The following GLYR1 variants were observed in gnomAD, a reference collection of about 807,000 sequenced individuals.
GLYR1 encodes cytokine-like nuclear factor N-PAC.
In GLYR1, 21 loss-of-function variants were observed where a neutral mutation model predicts 72.7. The ratio of observed to expected loss-of-function variants is 0.29; its 90% CI spans 0.20 to 0.42. The LOEUF is 0.42. Among genes scored for constraint, GLYR1 ranks in the 10% least tolerant of loss-of-function variants. The pLI, the probability that GLYR1 is intolerant of heterozygous loss-of-function variation, is 1.00. For missense variants in GLYR1, 594 were observed against 712.1 expected, an observed-to-expected ratio of 0.83 and a Z score of 1.89; for synonymous variants, 392 against 270.2, an observed-to-expected ratio of 1.45 and a Z score of -4.42.
intron 5 of GLYR1, among the ~76,000 whole-genome samples, chr16:4,829,428 C>T (rs1320863890): frequency 6.6e-6 from 1 of 151,820 alleles, no homozygotes; most frequent in Non-Finnish European, 1.5e-5. Flanking sequence ...ACCCCAGCTT[C>T]CCAAGTAGGT....
At chr16:4,809,242 T>C (rs1011537911) in intron 15 of GLYR1, among the ~76,000 whole-genome samples, 4 of 136,454 alleles carry the variant, frequency 2.9e-5, no homozygotes, top group Admixed American at 8.1e-5. Context: ...CAGGCTGGAG[T>C]GCAGTGGTGC....
At chr16:4,826,559 T>G (rs939552366) in intron 5 of GLYR1, among the ~76,000 whole-genome samples, 1 of 152,236 alleles carries the variant, frequency 6.6e-6, no homozygotes, top group South Asian at 2.1e-4. Flanking sequence ...TTATGCTGCT[T>G]TCTCTCCAGG....
intron 5 of GLYR1, among the ~76,000 whole-genome samples, chr16:4,830,539 A>T (rs1014203988): frequency 9.9e-5 from 15 of 152,138 alleles, no homozygotes; most frequent in Non-Finnish European, 1.6e-4. Flanking sequence ...AGTCAGCTAC[A>T]GTTGCTTCCA....
rs1202541560 is a variant in GLYR1 at position 4,815,105 on chromosome 16, AT to A, written c.907-459del. ...TCTGGAAGTGCCTAAAAACACTACC[AT>A]TTTGGCTTTTTTTTTTTGAGACAAG... On this transcript the variant is annotated intron_variant, in intron 10 of 15. Coordinates refer to ENST00000321919, the MANE Select transcript of GLYR1 (RefSeq NM_032569.4). Among the ~76,000 whole-genome samples, 5 of 148,540 alleles carry A rather than the reference AT, an allele frequency of 3.4e-5. No homozygotes were observed. The East Asian group carries it at 9.8e-4, about 29-fold the overall frequency.
chr16:4,806,628 C>G (rs1414198925), intron 15 of GLYR1, among the ~76,000 whole-genome samples: 3 of 151,534 alleles, frequency 2.0e-5, no homozygotes, highest in Non-Finnish European at 2.9e-5. Flanking sequence ...TGCCTCGACC[C>G]TGCCTCGACC....
intron 10 of GLYR1, among the ~76,000 whole-genome samples, chr16:4,815,167 G>A (rs1418508775): frequency 5.3e-5 from 8 of 151,792 alleles, no homozygotes; most frequent in Non-Finnish European, 1.5e-5. Flanking sequence ...GCACAGTGGT[G>A]CAATCATGGC....
At chr16:4,837,253 G>A (rs1366945398) in intron 3 of GLYR1, among the ~76,000 whole-genome samples, 1 of 152,038 alleles carries the variant, frequency 6.6e-6, no homozygotes, top group Non-Finnish European at 1.5e-5. Context: ...CCAACATGGC[G>A]AAACCCCATC....
At chr16:4,838,486 C>T (rs956390715) in intron 3 of GLYR1, among the ~76,000 whole-genome samples, 4 of 152,206 alleles carry the variant, frequency 2.6e-5, no homozygotes, top group African/African-American at 9.7e-5. Context: ...ACTGTTTGTC[C>T]ACAATCTGTT....
At chr16:4,817,530 G>T in intron 10 of GLYR1, 68 bp downstream of exon 10, 1 of 902,058 alleles carries the variant, frequency 1.1e-6, no homozygotes, top group South Asian at 1.4e-5. Context: ...GACAACAGGG[G>T]GAGATGTCCA....
intron 3 of GLYR1, among the ~76,000 whole-genome samples, chr16:4,837,976 G>T (rs1027991898): frequency 2.4e-4 from 35 of 146,200 alleles, no homozygotes; most frequent in East Asian, 1.2e-3. Flanking sequence ...AATAAATAAA[G>T]ATAAGAATAA....
Position 4,805,084 on chromosome 16 carries a change from GTGTGC to G in GLYR1, c.*147_*151del. On this transcript the variant is annotated 3_prime_UTR_variant, in exon 16 of 16. Coordinates refer to ENST00000321919, the MANE Select transcript of GLYR1 (RefSeq NM_032569.4). ...CCGGCCTCAGGGGAAGGGTGCTGCT[GTGTGC>G]TGTGCTGATGGCAAGTCTCAAAGTC... The G allele has an allele frequency of 2.9e-6, 2 of 681,898 alleles. No homozygotes were observed. Among genetic ancestry groups the G allele is most frequent in the Admixed American group, 2.1e-5 (1 of 46,878 alleles). The allele number at this position is 681,898 out of a possible 1,614,324, so 42.2% of individuals were successfully genotyped here.
At chr16:4,833,016 G>T in intron 3 of GLYR1, 104 bp from the exon 4 acceptor site, 1 of 1,126,838 alleles carries the variant, frequency 8.9e-7, no homozygotes, top group Non-Finnish European at 1.2e-6. Flanking sequence ...TGGTTTAACT[G>T]GACTTTGCAA....
At chr16:4,839,081 G>A (rs1314473769) in intron 3 of GLYR1, among the ~76,000 whole-genome samples, 1 of 152,060 alleles carries the variant, frequency 6.6e-6, no homozygotes, top group Non-Finnish European at 1.5e-5. Context: ...CCTTCGGATA[G>A]ACAGGTGACC....
At chr16:4,846,729 G>C (rs2072594) in intron 1 of GLYR1, 79,565 of 223,626 alleles carry the variant, frequency 0.36, 15,051 homozygotes, top group African/African-American at 0.47. Flanking sequence ...TAAAGGAGAA[G>C]TCCCCCCGCC....
chr16:4,810,699 TAAAA>T (rs551202037), intron 15 of GLYR1, among the ~76,000 whole-genome samples: 2 of 21,820 alleles, frequency 9.2e-5, no homozygotes, highest in African/African-American at 2.6e-4. Flanking sequence ...CTGTCTCTAC[TAAAA>T]AAAAAAAAAA....
chr16:4,822,979 G>C (rs748010866), intron 6 of GLYR1, 48 bp from the exon 7 acceptor site: 87 of 1,504,344 alleles, frequency 5.8e-5, no homozygotes, highest in Non-Finnish European at 7.5e-5. Context: ...GCCACCAAAG[G>C]TCACTTCCTT....
chr16:4,835,858 C>T (rs984019099), intron 3 of GLYR1, among the ~76,000 whole-genome samples: 21 of 152,128 alleles, frequency 1.4e-4, no homozygotes, highest in Admixed American at 1.3e-3. Context: ...AAAAACCCAG[C>T]TTACCAGAGC....
intron 9 of GLYR1, 94 bp downstream of exon 9, chr16:4,821,286 G>A (rs893319904): frequency 1.5e-5 from 19 of 1,246,882 alleles, no homozygotes; most frequent in Non-Finnish European, 2.0e-5. Flanking sequence ...AGCAATGGCT[G>A]GGACACAACC....
chr16:4,819,642 G>C (rs1341634334), intron 9 of GLYR1, among the ~76,000 whole-genome samples: 1 of 152,126 alleles, frequency 6.6e-6, no homozygotes, highest in Admixed American at 6.6e-5. Context: ...TCTGACTGCT[G>C]GATGTCCCCG....
Sources: allele counts gnomAD v4.1 joint callset (sites outside exome capture counted in the v4.1 genomes callset), GRCh38; gene constraint gnomAD v4.1.1; transcripts MANE v1.5; gene names NCBI Gene and HGNC (gene_info 2026-07-23, HGNC 2026-07-21).